The following DGUOK variants were observed in gnomAD, a reference collection of about 807,000 sequenced individuals.
DGUOK encodes deoxyguanosine kinase.
In DGUOK, 30 loss-of-function variants were observed where a neutral mutation model predicts 36.6. That is an observed-to-expected ratio of 0.82 (90% CI 0.61 to 1.11). The LOEUF (loss-of-function observed/expected upper bound fraction) is 1.11, where lower values mean the gene tolerates loss of function less well. Ranked by LOEUF, DGUOK falls within the 50% of genes most tolerant of loss-of-function variation. DGUOK has a pLI of 0.00. For missense variants in DGUOK, 361 were observed against 336.4 expected (o/e 1.07, Z -0.57); for synonymous variants, 145 against 126.3 (o/e 1.15, Z -0.99).
chr2:73,951,337 T>C (rs867683674), intron 4 of DGUOK, among the ~76,000 whole-genome samples: 7 of 152,160 alleles, frequency 4.6e-5, no homozygotes, highest in African/African-American at 1.7e-4. Context: ...TGACTGGTAG[T>C]GACCTTGGGC....
intron 1 of DGUOK, among the ~76,000 whole-genome samples, chr2:73,934,965 A>G (rs1681345913): frequency 6.6e-6 from 1 of 150,512 alleles, no homozygotes; most frequent in African/African-American, 2.5e-5. Context: ...GGTCCCAGCT[A>G]CTCAAGAGGC....
Position 73,938,892 on chromosome 2 carries a change from A to G in DGUOK, c.143-18A>G. The G allele has an allele frequency of 1.3e-6, 2 of 1,564,462 alleles. No individual in the cohort carries two copies. The highest frequency in any genetic ancestry group is 1.7e-4 in the Middle Eastern group (1 of 5,964). On this transcript the variant is annotated intron_variant, in intron 1 of 6. Coordinates refer to ENST00000264093, the MANE Select transcript of DGUOK (RefSeq NM_080916.3). ...CCTGATTTGGGAAGCATCCCAATAC[A>G]TGCTATTTGCATTGCAGCTGTGGGA...
rs1160944434 is a variant in DGUOK at position 73,958,795 on chromosome 2, A to ATGT, written c.*63_*65dup. ...TCCCTGACTTTCTGAAGCTAGAAAA[A>ATGT]TGTTGTGTCTCCCAACCACCTTTCC... On this transcript the variant is annotated 3_prime_UTR_variant, in exon 7 of 7. Coordinates refer to ENST00000264093, the MANE Select transcript of DGUOK (RefSeq NM_080916.3). 2 of 1,465,664 alleles carry ATGT rather than the reference A, an allele frequency of 1.4e-6. No homozygotes were observed. The highest frequency in any genetic ancestry group is 2.3e-5 in the East Asian group (1 of 44,262). 90.8% of individuals were successfully genotyped at this position (1,465,664 alleles called of 1,614,324 possible). A position where few individuals can be genotyped will look rare whatever the true frequency, so the allele number is the denominator to read the frequency against.
chr2:73,939,009 C>T lies in DGUOK; in HGVS notation c.242C>T (p.Ala81Val), dbSNP rs372149716. The part of the protein sequence containing the change: ...PVATWQNIQA[A>V]GTQKACTAQS... ...GCAACATGGCAGAATATCCAGGCTG[C>T]TGGCACCCAAAAAGTAAGTTTTTAG... is the stretch of plus-strand genomic sequence containing the variant. Residue 81 changes from alanine (A) to valine (V), a missense_variant, in exon 2 of 7, where the codon GCT becomes GTT. Coordinates refer to ENST00000264093, the MANE Select transcript of DGUOK (RefSeq NM_080916.3). The T allele has an allele frequency of 6.2e-7, 1 of 1,613,474 alleles. No individual in the cohort carries two copies. Among genetic ancestry groups the T allele is most frequent in the Non-Finnish European group, 8.5e-7 (1 of 1,179,572 alleles).
intron 1 of DGUOK, among the ~76,000 whole-genome samples, chr2:73,937,255 C>G (rs1333345896): frequency 6.6e-6 from 1 of 152,244 alleles, no homozygotes; most frequent in Non-Finnish European, 1.5e-5. Context: ...CCACAAGGCC[C>G]TATGTGATCT....
At chr2:73,957,067 T>A in intron 4 of DGUOK, 58 bp from the exon 5 acceptor site, 3 of 1,258,960 alleles carry the variant, frequency 2.4e-6, no homozygotes, top group Non-Finnish European at 3.5e-6. Context: ...CCCCGAAGAC[T>A]GCATTGTAGC....
intron 4 of DGUOK, among the ~76,000 whole-genome samples, chr2:73,953,657 C>T (rs564345632): frequency 2.6e-4 from 39 of 150,884 alleles, no homozygotes; most frequent in African/African-American, 8.3e-4. Flanking sequence ...TACTGAGTTT[C>T]GAGCATGTCA....
At chr2:73,929,260 C>T (rs540211255) in intron 1 of DGUOK, among the ~76,000 whole-genome samples, 49 of 152,304 alleles carry the variant, frequency 3.2e-4, no homozygotes, top group African/African-American at 1.1e-3. Flanking sequence ...AGGTGTTTGC[C>T]ACTATGCGTG....
Position 73,926,974 on chromosome 2 carries a change from C to T in DGUOK, c.64C>T (p.Pro22Ser). 6.2e-7 allele frequency: 1 copy of T among 1,613,016 alleles called. No homozygotes were observed. Among genetic ancestry groups the T allele is most frequent in the South Asian group, 1.1e-5 (1 of 91,090 alleles). ...RAPFSSMAKSPLEGVSSSRGL... is the reference protein window; with the variant it reads ...RAPFSSMAKSSLEGVSSSRGL... ...ACCCTTCAGTTCCATGGCCAAGAGCCCACTCGAGGGCGTTTCCTCCTCCAG... is the reference window on the plus strand; with the variant it reads ...ACCCTTCAGTTCCATGGCCAAGAGCTCACTCGAGGGCGTTTCCTCCTCCAG... The change falls in exon 1 of 7, where the codon CCA (proline) becomes TCA (serine). Residue 22 changes from proline to serine, a missense_variant. Coordinates refer to ENST00000264093, the MANE Select transcript of DGUOK (RefSeq NM_080916.3).
intron 1 of DGUOK, among the ~76,000 whole-genome samples, chr2:73,938,073 G>A (rs73947453): frequency 0.073 from 11,129 of 152,128 alleles, 531 homozygotes; most frequent in African/African-American, 0.14. Context: ...CCTGGCCCTG[G>A]ACTCCCTGTC....
chr2:73,946,994 C>A, intron 3 of DGUOK, 88 bp downstream of exon 3: 1 of 1,192,960 alleles, frequency 8.4e-7, no homozygotes, highest in Non-Finnish European at 1.2e-6. Flanking sequence ...GCTATGGTCA[C>A]TGATGATTAT....
chr2:73,929,854 T>A (rs779386363), intron 1 of DGUOK, among the ~76,000 whole-genome samples: 2 of 152,010 alleles, frequency 1.3e-5, no homozygotes, highest in Non-Finnish European at 2.9e-5. Context: ...TAACTGGAAG[T>A]TTTTAGAAAG....
chr2:73,950,158 G>C (rs1368390851), intron 3 of DGUOK, among the ~76,000 whole-genome samples: 13 of 137,182 alleles, frequency 9.5e-5, no homozygotes. Context: ...TTAGTGGGTG[G>C]ATTTATACTG....
intron 2 of DGUOK, among the ~76,000 whole-genome samples, chr2:73,944,182 G>A (rs1283185180): frequency 6.6e-6 from 1 of 152,062 alleles, no homozygotes; most frequent in Non-Finnish European, 1.5e-5. Flanking sequence ...CTATGCCCAG[G>A]TAACTTTTAA....
At chr2:73,953,013 G>C (rs1682807451) in intron 4 of DGUOK, among the ~76,000 whole-genome samples, 1 of 152,090 alleles carries the variant, frequency 6.6e-6, no homozygotes, top group African/African-American at 2.4e-5. Flanking sequence ...GAGCAGGCAT[G>C]TGCAAAAGGG....
intron 4 of DGUOK, among the ~76,000 whole-genome samples, chr2:73,954,901 A>G (rs1682974872): frequency 6.6e-6 from 1 of 152,158 alleles, no homozygotes; most frequent in Non-Finnish European, 1.5e-5. Context: ...CCTCATGAGG[A>G]CTGAGATGAA....
intron 5 of DGUOK, among the ~76,000 whole-genome samples, chr2:73,957,547 G>A (rs941835815): frequency 1.1e-4 from 16 of 152,092 alleles, no homozygotes; most frequent in East Asian, 1.9e-4. Flanking sequence ...GGTGTCAGGC[G>A]CCTGTAATAC....
At chr2:73,956,150 T>C (rs1258620088) in intron 4 of DGUOK, among the ~76,000 whole-genome samples, 1 of 152,188 alleles carries the variant, frequency 6.6e-6, no homozygotes, top group Non-Finnish European at 1.5e-5. Context: ...AGATGTCATT[T>C]TCTGAGCCAG....
chr2:73,927,058 G>C lies in DGUOK; in HGVS notation c.142+6G>C. On this transcript the variant is annotated splice_donor_region_variant and intron_variant, in intron 1 of 6. Transcript: ENST00000264093. ...CTCCATCGAAGGCAACATTGGTAAG[G>C]GCCGGAAAGCGGCTGCCAAGCCTTG... 1 of 1,607,476 alleles carries C rather than the reference G, an allele frequency of 6.2e-7. No individual in the cohort carries two copies. Among genetic ancestry groups the C allele is most frequent in the Non-Finnish European group, 8.5e-7 (1 of 1,179,978 alleles).
Sources: allele counts gnomAD v4.1 joint callset (sites outside exome capture counted in the v4.1 genomes callset), GRCh38; gene constraint gnomAD v4.1.1; transcripts MANE v1.5; gene names NCBI Gene and HGNC (gene_info 2026-07-23, HGNC 2026-07-21).